Variants in KDM4C observed in about 807,000 individuals in gnomAD.
The protein encoded by KDM4C is lysine-specific demethylase 4C.
Under a neutral mutation model 129.3 loss-of-function variants are expected in KDM4C, and 81 were observed. The ratio of observed to expected loss-of-function variants is 0.63; its 90% CI spans 0.52 to 0.75. KDM4C has a LOEUF of 0.75. Among genes scored for constraint, KDM4C ranks in the 30% least tolerant of loss-of-function variants. KDM4C has a pLI of 0.00. For synonymous variants in KDM4C, 573 were observed against 456.1 expected (o/e 1.26, Z -3.26); for missense variants, 1,457 against 1,304.0 (o/e 1.12, Z -1.81).
At chr9:7,111,817 C>T (rs1838351646) in intron 18 of KDM4C, among the ~76,000 whole-genome samples, 1 of 151,920 alleles carries the variant, frequency 6.6e-6, no homozygotes, top group Non-Finnish European at 1.5e-5. Flanking sequence ...TTTATATATC[C>T]CTGAATTAAA....
At chr9:6,889,211 T>TG (rs1845737956) in intron 7 of KDM4C, among the ~76,000 whole-genome samples, 33 of 61,612 alleles carry the variant, frequency 5.4e-4, no homozygotes, top group Non-Finnish European at 7.4e-4. Flanking sequence ...GGCCTTCTTT[T>TG]TGTGTGTGTG....
At chr9:6,800,550 T>TA (rs1828742576) in intron 2 of KDM4C, among the ~76,000 whole-genome samples, 2 of 152,144 alleles carry the variant, frequency 1.3e-5, no homozygotes, top group Admixed American at 6.5e-5. Flanking sequence ...AAAAGTTAAA[T>TA]AAAATAATGA....
intron 7 of KDM4C, among the ~76,000 whole-genome samples, chr9:6,890,755 C>T (rs1846004767): frequency 6.6e-6 from 1 of 152,120 alleles, no homozygotes; most frequent in Non-Finnish European, 1.5e-5. Flanking sequence ...TCCCTCTCCT[C>T]TCACCTTTAT....
chr9:6,782,027 G>C (rs1824455922), intron 1 of KDM4C, among the ~76,000 whole-genome samples: 1 of 152,074 alleles, frequency 6.6e-6, no homozygotes. Context: ...GTTTCACCAT[G>C]TTGGCCCGGC....
rs1307600657 is a variant in KDM4C, at chr9:6,918,138, C to T, written c.921+24906C>T. On this transcript the variant is annotated intron_variant, in intron 8 of 21. Transcript: ENST00000381309. ...CATCACCCAGGCAGTGAACATAGTA[C>T]CCAAAAGGTAGCTTTTTTTAGCCTT... Among the ~76,000 whole-genome samples the T allele has an allele frequency of 2.0e-5, 3 of 152,240 alleles. No individual in the cohort carries two copies. The East Asian group carries it at 5.8e-4, about 29-fold the overall frequency.
intron 17 of KDM4C, among the ~76,000 whole-genome samples, chr9:7,055,311 T>C (rs1830724188): frequency 6.6e-6 from 1 of 152,242 alleles, no homozygotes; most frequent in Non-Finnish European, 1.5e-5. Context: ...TGAAATCCTA[T>C]TTCTGCAACC....
chr9:7,076,529 C>A (rs905556791), intron 17 of KDM4C: 1 of 1,540,954 alleles, frequency 6.5e-7, no homozygotes, highest in African/African-American at 1.4e-5. Context: ...AAAGTTACAT[C>A]CCCTCCGCCA....
chr9:6,728,424 C>G (rs1817214345), intron 1 of KDM4C, among the ~76,000 whole-genome samples: 1 of 152,080 alleles, frequency 6.6e-6, no homozygotes, highest in African/African-American at 2.4e-5. Flanking sequence ...ATCCCCACTA[C>G]TCAGGAGGCT....
At chr9:7,035,414 C>T (rs1292080056) in intron 15 of KDM4C, among the ~76,000 whole-genome samples, 1 of 148,380 alleles carries the variant, frequency 6.7e-6, no homozygotes, top group Non-Finnish European at 1.5e-5. Flanking sequence ...GAGTAGTTTG[C>T]AAATATTTTT....
upstream of KDM4C, among the ~76,000 whole-genome samples, chr9:6,753,868 C>CTT (rs869158656): frequency 0.028 from 2,228 of 80,350 alleles, 1 homozygote; most frequent in Non-Finnish European, 0.034. Flanking sequence ...TCATTGAATT[C>CTT]TTTTTTTTTT....
chr9:6,878,970 C>T (rs953164608), intron 5 of KDM4C, among the ~76,000 whole-genome samples: 2 of 152,202 alleles, frequency 1.3e-5, no homozygotes, highest in East Asian at 1.9e-4. Context: ...ATTTCATTAG[C>T]AGTGCCTTAA....
chr9:6,797,474 TTGAC>T (rs141830375), intron 2 of KDM4C, among the ~76,000 whole-genome samples: 3,002 of 152,314 alleles, frequency 0.02, 107 homozygotes, highest in African/African-American at 0.068. Context: ...GTTTGACACT[TTGAC>T]TGTCTACAAA....
intron 19 of KDM4C, among the ~76,000 whole-genome samples, chr9:7,163,313 G>A (rs746042831): frequency 1.4e-4 from 21 of 152,162 alleles, no homozygotes; most frequent in Non-Finnish European, 2.5e-4. Context: ...AAGTGTCACC[G>A]TGCTTCTCTT....
chr9:7,015,948 T>C lies in KDM4C; in HGVS notation c.2259+19T>C, dbSNP rs1586927712. 2 of 1,582,622 alleles carry C rather than the reference T, an allele frequency of 1.3e-6. No individual in the cohort carries two copies. Among genetic ancestry groups the C allele is most frequent in the Middle Eastern group, 1.7e-4 (1 of 6,028 alleles). On this transcript the variant is annotated intron_variant, in intron 15 of 21. Coordinates refer to ENST00000381309, the MANE Select transcript of KDM4C (RefSeq NM_015061.6). ...GACAGCAGTAAGTAGCTTATTTTAG[T>C]ATTGCTTAACCTTTCTTCCCACCCT...
intron 12 of KDM4C, among the ~76,000 whole-genome samples, chr9:6,999,824 A>G (rs1586817399): frequency 6.6e-6 from 1 of 152,164 alleles, no homozygotes; most frequent in Admixed American, 6.5e-5. Flanking sequence ...TTTCCCTGCC[A>G]GTTTTGAAAA....
chr9:7,112,180 C>G (rs1838398230), intron 18 of KDM4C, among the ~76,000 whole-genome samples: 2 of 152,182 alleles, frequency 1.3e-5, no homozygotes, highest in African/African-American at 4.8e-5. Flanking sequence ...AGGCATTACT[C>G]TTGCGACTTT....
At chr9:7,148,822 T>A (rs1246862604) in intron 19 of KDM4C, among the ~76,000 whole-genome samples, 6 of 152,026 alleles carry the variant, frequency 3.9e-5, no homozygotes, top group Non-Finnish European at 7.4e-5. Context: ...AGTCTGGGGT[T>A]TTTATGGGGT....
intron 17 of KDM4C, among the ~76,000 whole-genome samples, chr9:7,081,244 G>A (rs976564707): frequency 1.3e-5 from 2 of 152,148 alleles, no homozygotes; most frequent in East Asian, 1.9e-4. Context: ...ACGTAGACAC[G>A]TAGATATGGG....
chr9:6,944,674 T>C (rs1261074273), intron 8 of KDM4C, among the ~76,000 whole-genome samples: 3 of 148,216 alleles, frequency 2.0e-5, no homozygotes, highest in Non-Finnish European at 3.0e-5. Context: ...TTTTTTTTTT[T>C]GCCTCTGTGC....
Sources: gnomAD v4.1 joint callset for allele counts (sites outside exome capture counted in the v4.1 genomes callset) on GRCh38, gnomAD v4.1.1 for gene constraint, MANE v1.5 for transcripts, NCBI Gene and HGNC (gene_info 2026-07-23, HGNC 2026-07-21) for gene names.